Variants in PRKG1 observed in about 807,000 individuals in gnomAD.
The protein encoded by PRKG1 is protein kinase cGMP-dependent 1.
In PRKG1, 35 loss-of-function variants were observed where a neutral mutation model predicts 88.1. The ratio of observed to expected loss-of-function variants is 0.40; its 90% CI spans 0.30 to 0.53. The LOEUF is 0.53. Ranked by LOEUF, PRKG1 falls within the 20% of genes least tolerant of loss-of-function variation. The pLI, the probability that PRKG1 is intolerant of heterozygous loss-of-function variation, is 0.59. For missense variants in PRKG1, 540 were observed against 839.8 expected (o/e 0.64, Z 4.41); for synonymous variants, 303 against 292.5 (o/e 1.04, Z -0.37).
At chr10:51,437,376 A>G (rs1838963754) in intron 2 of PRKG1, among the ~76,000 whole-genome samples, 1 of 152,010 alleles carries the variant, frequency 6.6e-6, no homozygotes, top group African/African-American at 2.4e-5. Context: ...AACATCTTTA[A>G]GTTGACCAAT....
At chr10:51,807,828 C>G (rs755807562) in intron 4 of PRKG1, among the ~76,000 whole-genome samples, 2 of 152,118 alleles carry the variant, frequency 1.3e-5, no homozygotes, top group Non-Finnish European at 2.9e-5. Context: ...GAGTCTGTCT[C>G]TATGACTTGC....
At chr10:52,239,678 C>G (rs995385875) in intron 9 of PRKG1, among the ~76,000 whole-genome samples, 1 of 148,208 alleles carries the variant, frequency 6.7e-6, no homozygotes. Flanking sequence ...GAGTGAGGAG[C>G]TTTAAGACAT....
intron 3 of PRKG1, among the ~76,000 whole-genome samples, chr10:51,633,479 A>T (rs1332272551): frequency 6.6e-6 from 1 of 152,136 alleles, no homozygotes; most frequent in Non-Finnish European, 1.5e-5. Context: ...AAAAGAAAAC[A>T]TGATATTCCT....
intron 4 of PRKG1, among the ~76,000 whole-genome samples, chr10:51,875,052 C>G (rs1279582020): frequency 6.6e-6 from 1 of 152,112 alleles, no homozygotes; most frequent in Non-Finnish European, 1.5e-5. Flanking sequence ...TCCTTTTCCT[C>G]TTACTTAACA....
At chr10:52,023,066 AG>A (rs1421004885) in intron 5 of PRKG1, among the ~76,000 whole-genome samples, 2 of 152,034 alleles carry the variant, frequency 1.3e-5, no homozygotes, top group Non-Finnish European at 2.9e-5. Flanking sequence ...TCCTGACCCT[AG>A]CCCCCCACAC....
chr10:51,735,877 A>ATATATATATG (rs1554836797), intron 3 of PRKG1, among the ~76,000 whole-genome samples: 1 of 115,672 alleles, frequency 8.6e-6, no homozygotes, highest in African/African-American at 3.8e-5. Flanking sequence ...ATATATATAT[A>ATATATATATG]TATGTATATT....
At chr10:51,051,374 A>G (rs1327608999) in intron 1 of PRKG1, among the ~76,000 whole-genome samples, 1 of 152,090 alleles carries the variant, frequency 6.6e-6, no homozygotes, top group Admixed American at 6.6e-5. Flanking sequence ...ATTCATTTGC[A>G]TGTTAATATT....
chr10:51,787,050 T>C (rs1838747308), intron 3 of PRKG1, among the ~76,000 whole-genome samples: 1 of 152,196 alleles, frequency 6.6e-6, no homozygotes, highest in Non-Finnish European at 1.5e-5. Flanking sequence ...AATTATGTGA[T>C]ATGAATTGGG....
intron 3 of PRKG1, among the ~76,000 whole-genome samples, chr10:51,716,205 C>T: frequency 6.6e-6 from 1 of 152,196 alleles, no homozygotes. Context: ...AGAGAATTGA[C>T]CTCACACAGC....
chr10:51,722,844 T>G (rs1033122775), intron 3 of PRKG1, among the ~76,000 whole-genome samples: 1 of 152,204 alleles, frequency 6.6e-6, no homozygotes, highest in African/African-American at 2.4e-5. Context: ...GCTAAAGGAC[T>G]GATTAAATGT....
At chr10:51,180,501 A>G (rs1400215261) in intron 2 of PRKG1, among the ~76,000 whole-genome samples, 1 of 152,240 alleles carries the variant, frequency 6.6e-6, no homozygotes, top group East Asian at 1.9e-4. Flanking sequence ...TTAGCAGACA[A>G]AGATACCCAT....
intron 2 of PRKG1, among the ~76,000 whole-genome samples, chr10:51,177,569 C>T (rs374432988): frequency 6.6e-6 from 1 of 152,100 alleles, no homozygotes; most frequent in East Asian, 1.9e-4. Context: ...TTAATAACCA[C>T]CACTAGTGTT....
intron 3 of PRKG1, among the ~76,000 whole-genome samples, chr10:51,512,572 A>C (rs1462448052): frequency 3.8e-5 from 3 of 78,952 alleles, no homozygotes; most frequent in Non-Finnish European, 7.4e-5. Context: ...TATGTGCCAC[A>C]TTTTCTTAAT....
In PRKG1 at chr10:50,994,646, C is replaced by T. The variant is rs559827432; in HGVS notation, c.266+3002C>T. Among the ~76,000 whole-genome samples, 77 of 152,070 alleles carry T rather than the reference C, an allele frequency of 5.1e-4. No individual in the cohort carries two copies. In the Middle Eastern group the frequency reaches 0.014, roughly 27 times the overall value. On this transcript the variant is annotated intron_variant, in intron 1 of 17. Coordinates refer to the PRKG1 transcript ENST00000401604. ...TTGTGTTCAGTTATGATTTCTGTAG[C>T]ATTTGAATGATAACTATTCATGCTA...
intron 3 of PRKG1, among the ~76,000 whole-genome samples, chr10:51,755,267 C>A (rs1837829693): frequency 6.6e-6 from 1 of 152,146 alleles, no homozygotes; most frequent in Non-Finnish European, 1.5e-5. Flanking sequence ...CTGTCAGGGG[C>A]AAATCAATGC....
chr10:51,530,780 C>A (rs1183350576), intron 3 of PRKG1, among the ~76,000 whole-genome samples: 1 of 152,156 alleles, frequency 6.6e-6, no homozygotes, highest in East Asian at 1.9e-4. Flanking sequence ...GACCTTCCAC[C>A]CACCCCAAGA....
intron 2 of PRKG1, among the ~76,000 whole-genome samples, chr10:51,347,117 A>C (rs372615149): frequency 0.034 from 3,850 of 112,370 alleles, 164 homozygotes; most frequent in African/African-American, 0.11. Flanking sequence ...GTTCATGAAA[A>C]AAACTGGTTT....
intron 2 of PRKG1, among the ~76,000 whole-genome samples, chr10:51,441,771 T>A (rs1839113939): frequency 6.6e-6 from 1 of 152,044 alleles, no homozygotes; most frequent in African/African-American, 2.4e-5. Flanking sequence ...ATTTCAACTC[T>A]AAATTTGATG....
chr10:52,003,720 G>A (rs1472832660), intron 5 of PRKG1, among the ~76,000 whole-genome samples: 2 of 152,174 alleles, frequency 1.3e-5, no homozygotes, highest in Non-Finnish European at 2.9e-5. Flanking sequence ...CAATCCACAA[G>A]CTGTTATGGA....
Sources: gnomAD v4.1 joint callset for allele counts (sites outside exome capture counted in the v4.1 genomes callset) on GRCh38, gnomAD v4.1.1 for gene constraint, MANE v1.5 for transcripts, NCBI Gene and HGNC (gene_info 2026-07-23, HGNC 2026-07-21) for gene names.